The following DPP10 variants were observed in gnomAD, a reference collection of about 807,000 sequenced individuals.
The protein encoded by DPP10 is inactive dipeptidyl peptidase 10.
Under a neutral mutation model 120.9 loss-of-function variants are expected in DPP10, and 33 were observed. The ratio of observed to expected loss-of-function variants is 0.27; its 90% CI spans 0.21 to 0.37. The LOEUF is 0.37. DPP10 is among the 10% of genes least tolerant of loss of function. DPP10 has a pLI of 1.00. For missense variants in DPP10, 816 were observed against 942.8 expected (o/e 0.87, Z 1.76); for synonymous variants, 337 against 326.1 (o/e 1.03, Z -0.36).
chr2:114,923,731 G>T (rs992383250), intron 1 of DPP10, among the ~76,000 whole-genome samples: 2 of 143,074 alleles, frequency 1.4e-5, no homozygotes, highest in Non-Finnish European at 3.1e-5. Flanking sequence ...CTCCCAAAGT[G>T]CTGGGATTAC....
chr2:115,294,150 C>T (rs1238778145), intron 1 of DPP10, among the ~76,000 whole-genome samples: 2 of 151,998 alleles, frequency 1.3e-5, no homozygotes, highest in Non-Finnish European at 2.9e-5. Context: ...GAGGGATAAG[C>T]CAAATGCCAT....
intron 3 of DPP10, among the ~76,000 whole-genome samples, chr2:115,417,465 A>C (rs1163509041): frequency 1.3e-5 from 2 of 152,204 alleles, no homozygotes; most frequent in African/African-American, 4.8e-5. Context: ...ATTAACAATA[A>C]ATGTTATAAT....
intron 1 of DPP10, among the ~76,000 whole-genome samples, chr2:114,773,812 A>G (rs553757509): frequency 6.6e-6 from 1 of 152,272 alleles, no homozygotes; most frequent in East Asian, 1.9e-4. Flanking sequence ...TTAATTGTAG[A>G]GTGATTCATA....
intron 1 of DPP10, among the ~76,000 whole-genome samples, chr2:114,760,435 A>G (rs72830390): frequency 0.12 from 18,948 of 152,104 alleles, 2,033 homozygotes; most frequent in African/African-American, 0.29. Context: ...GGTACAGTGA[A>G]AACAGATGTC....
At chr2:115,172,236 C>T (rs1221959721) in intron 1 of DPP10, among the ~76,000 whole-genome samples, 5 of 152,012 alleles carry the variant, frequency 3.3e-5, no homozygotes, top group Non-Finnish European at 5.9e-5. Context: ...AAAGGCTTCT[C>T]CCCCGGGCGT....
In DPP10 at chr2:115,331,220, CTCTG is replaced by C. The variant is rs559143897; in HGVS notation, c.176-12591_176-12588del. Among the ~76,000 whole-genome samples the C allele has an allele frequency of 3.4e-4, 51 of 151,576 alleles. No homozygotes were observed. In the South Asian group the frequency reaches 5.4e-3, roughly 16 times the overall value. The stretch of plus-strand genomic sequence containing the variant: ...ATGGGAGTTCACTCATGATTTGGCT[CTCTG>C]TCTGTTATTTGTGTATAAGAATGCT... On this transcript the variant is annotated intron_variant, in intron 2 of 25. Coordinates refer to ENST00000410059, the MANE Select transcript of DPP10 (RefSeq NM_020868.6).
chr2:115,764,155 T>C (rs1680438275), intron 12 of DPP10, among the ~76,000 whole-genome samples: 2 of 151,748 alleles, frequency 1.3e-5, no homozygotes, highest in Non-Finnish European at 2.9e-5. Context: ...TACAAGGACA[T>C]GAGGATGTTT....
At chr2:114,888,284 G>A (rs1051464234) in intron 1 of DPP10, among the ~76,000 whole-genome samples, 3 of 152,058 alleles carry the variant, frequency 2.0e-5, no homozygotes, top group Non-Finnish European at 2.9e-5. Flanking sequence ...AGAGTAGAAC[G>A]CACCAAATGT....
At chr2:115,726,602 T>C (rs1055250551) in intron 7 of DPP10, among the ~76,000 whole-genome samples, 20 of 152,134 alleles carry the variant, frequency 1.3e-4, no homozygotes, top group African/African-American at 4.3e-4. Flanking sequence ...TTTTAAATTC[T>C]TACTCTGATA....
At chr2:115,381,961 T>C (rs1390716292) in intron 3 of DPP10, among the ~76,000 whole-genome samples, 1 of 152,112 alleles carries the variant, frequency 6.6e-6, no homozygotes, top group Admixed American at 6.5e-5. Context: ...TTCAAAGCTG[T>C]CAGACAGGGA....
chr2:115,301,312 G>T (rs1253579286), intron 1 of DPP10, among the ~76,000 whole-genome samples: 1 of 151,756 alleles, frequency 6.6e-6, no homozygotes, highest in Non-Finnish European at 1.5e-5. Context: ...CTTCCAAACT[G>T]AGATTCAAAC....
At chr2:115,233,214 T>C (rs373227499) in intron 1 of DPP10, among the ~76,000 whole-genome samples, 3,024 of 12,842 alleles carry the variant, frequency 0.24, 114 homozygotes, top group African/African-American at 0.37. Context: ...GTATATTGAG[T>C]GTGTGTGTGT....
At chr2:115,752,155 G>A (rs560160043) in intron 10 of DPP10, among the ~76,000 whole-genome samples, 58 of 152,268 alleles carry the variant, frequency 3.8e-4, no homozygotes, top group Middle Eastern at 3.4e-3. Context: ...GTGACACGTG[G>A]ATGGCTGTTT....
intron 1 of DPP10, among the ~76,000 whole-genome samples, chr2:115,130,696 T>C (rs1327149929): frequency 1.3e-5 from 2 of 152,188 alleles, no homozygotes; most frequent in Admixed American, 1.3e-4. Flanking sequence ...ATGTGAGATA[T>C]CTCTCCCTGT....
chr2:115,181,003 G>A (rs201841099), intron 1 of DPP10, among the ~76,000 whole-genome samples: 11 of 65,650 alleles, frequency 1.7e-4, no homozygotes, highest in Non-Finnish European at 4.7e-4. Context: ...AAAAATATAC[G>A]TCACTTAGTG....
intron 1 of DPP10, among the ~76,000 whole-genome samples, chr2:114,607,398 G>C (rs1341549278): frequency 2.6e-5 from 4 of 152,148 alleles, no homozygotes; most frequent in African/African-American, 7.2e-5. Context: ...AGGGACCTTG[G>C]GGTGTAATGG....
At chr2:115,758,328 GA>G (rs35323058) in intron 11 of DPP10, among the ~76,000 whole-genome samples, 44,350 of 151,352 alleles carry the variant, frequency 0.29, 7,085 homozygotes, top group Middle Eastern at 0.43. Context: ...GTGATATTAA[GA>G]AAAAAAATCA....
At chr2:115,447,141 C>T (rs2104929458) in intron 3 of DPP10, among the ~76,000 whole-genome samples, 1 of 152,256 alleles carries the variant, frequency 6.6e-6, no homozygotes, top group East Asian at 1.9e-4. Flanking sequence ...GGATGTGAGA[C>T]ATGGAATCAA....
intron 4 of DPP10, among the ~76,000 whole-genome samples, chr2:115,522,226 C>T (rs1169958569): frequency 6.6e-6 from 1 of 152,166 alleles, no homozygotes; most frequent in Non-Finnish European, 1.5e-5. Flanking sequence ...TACTCCGCCT[C>T]TCTGTGATTC....
Sources: allele counts gnomAD v4.1 joint callset (sites outside exome capture counted in the v4.1 genomes callset), GRCh38; gene constraint gnomAD v4.1.1; transcripts MANE v1.5; gene names NCBI Gene and HGNC (gene_info 2026-07-23, HGNC 2026-07-21).